TRAK1: variants seen among roughly 807,000 people sequenced by gnomAD.
TRAK1 encodes the protein trafficking kinesin protein 1.
A neutral mutation model predicts 92.1 loss-of-function variants in TRAK1; 33 were observed. That is an observed-to-expected ratio of 0.36 (90% CI 0.27 to 0.48). The LOEUF (loss-of-function observed/expected upper bound fraction) is 0.48, where lower values mean the gene tolerates loss of function less well. Among genes scored for constraint, TRAK1 ranks in the 20% least tolerant of loss-of-function variants. The probability of loss-of-function intolerance (pLI) is 0.99; values close to 1 mark genes in which losing one functional copy is unlikely to be tolerated. For missense variants in TRAK1, 1,123 were observed against 1,257.9 expected, an observed-to-expected ratio of 0.89 and a Z score of 1.62; for synonymous variants, 521 against 517.3, an observed-to-expected ratio of 1.01 and a Z score of -0.10.
intron 12 of TRAK1, 36 bp downstream of exon 12, chr3:42,201,090 G>A (rs1290805057): frequency 6.3e-7 from 1 of 1,599,210 alleles, no homozygotes; most frequent in East Asian, 2.2e-5. Context: ...CTCTGTTTTG[G>A]GGTGAGGAGT....
chr3:42,187,618 C>A (rs1285110782), intron 4 of TRAK1, among the ~76,000 whole-genome samples: 4 of 152,070 alleles, frequency 2.6e-5, no homozygotes, highest in Admixed American at 2.0e-4. Flanking sequence ...CAGGCACATG[C>A]CACCACTCTT....
intron 2 of TRAK1, among the ~76,000 whole-genome samples, chr3:42,163,372 C>T (rs539380208): frequency 1.7e-4 from 26 of 152,102 alleles, no homozygotes; most frequent in African/African-American, 6.0e-4. Context: ...AGTTCAAGAC[C>T]AGCCTGGCCA....
chr3:42,036,951 T>G (rs1384150783), intron 1 of TRAK1, among the ~76,000 whole-genome samples: 1 of 152,160 alleles, frequency 6.6e-6, no homozygotes, highest in African/African-American at 2.4e-5. Flanking sequence ...TTTTGTAAAT[T>G]TTATTATTTT....
intron 2 of TRAK1, chr3:42,160,299 G>A (rs959508224): frequency 6.3e-7 from 1 of 1,593,932 alleles, no homozygotes; most frequent in African/African-American, 1.3e-5. Context: ...TGGGTAGGGG[G>A]TCGGGGGCAC....
intron 14 of TRAK1, chr3:42,212,137 G>T (rs995330232): frequency 3.0e-6 from 3 of 985,288 alleles, no homozygotes; most frequent in Non-Finnish European, 3.6e-6. Context: ...TCATCCTGGA[G>T]GTCCCAAGTA....
intron 2 of TRAK1, among the ~76,000 whole-genome samples, chr3:42,147,097 G>A (rs1299476150): frequency 1.3e-5 from 2 of 152,088 alleles, no homozygotes; most frequent in Non-Finnish European, 2.9e-5. Flanking sequence ...GCTTGCAGTG[G>A]GGCTCTTGAG....
intron 10 of TRAK1, among the ~76,000 whole-genome samples, chr3:42,195,573 G>T (rs1706489569): frequency 6.6e-6 from 1 of 150,838 alleles, no homozygotes; most frequent in Non-Finnish European, 1.5e-5. Context: ...AGCCCCCATT[G>T]CTGACCCCCA....
At chr3:42,113,389 TACCCCTACCTCTAC>T (rs1708740114) in intron 1 of TRAK1, among the ~76,000 whole-genome samples, 1 of 22,846 alleles carries the variant, frequency 4.4e-5, no homozygotes, top group Non-Finnish European at 8.4e-5. Context: ...CCCCTACCCC[TACCCCTACCTCTAC>T]CCCTACCCCT....
chr3:42,097,857 A>T (rs1041162388), intron 1 of TRAK1, among the ~76,000 whole-genome samples: 1 of 152,190 alleles, frequency 6.6e-6, no homozygotes, highest in Non-Finnish European at 1.5e-5. Flanking sequence ...ACACATACTG[A>T]TAGGTTGGTC....
chr3:42,126,326 A>G (rs957170562), intron 2 of TRAK1, among the ~76,000 whole-genome samples: 1 of 152,170 alleles, frequency 6.6e-6, no homozygotes, highest in African/African-American at 2.4e-5. Context: ...ACCAAGGCTG[A>G]TAACTGTTGT....
In TRAK1 at chr3:42,184,726, G is replaced by C. The variant is rs141558684; in HGVS notation, c.405G>C (p.Ser135=). The part of the protein sequence containing the change: ...DLELAARIGQ[S]LLKKNKTLTE... ...AATTGGCCGCTCGCATCGGCCAGTCGTTGTTGAAGAAGAACAAGACCCTAA... is the reference window on the plus strand; with the variant it reads ...AATTGGCCGCTCGCATCGGCCAGTCCTTGTTGAAGAAGAACAAGACCCTAA... The change falls in exon 4 of 16, where the codon TCG becomes TCC. Residue 135 remains serine, a synonymous_variant. Coordinates refer to ENST00000327628, the MANE Select transcript of TRAK1 (RefSeq NM_001042646.3). 6.2e-7 allele frequency: 1 copy of C among 1,614,182 alleles called. No homozygotes were observed. Among genetic ancestry groups the C allele is most frequent in the East Asian group, 2.2e-5 (1 of 44,888 alleles).
intron 2 of TRAK1, among the ~76,000 whole-genome samples, chr3:42,131,991 C>T (rs948120840): frequency 9.3e-5 from 14 of 151,238 alleles, no homozygotes; most frequent in Non-Finnish European, 1.8e-4. Flanking sequence ...ATTGCTTGAG[C>T]CTAGGAGGTG....
At chr3:42,217,535 A>G (rs1709857210) in intron 14 of TRAK1, 3 of 985,420 alleles carry the variant, frequency 3.0e-6, no homozygotes, top group African/African-American at 3.5e-5. Flanking sequence ...GCAATTGAAG[A>G]TCCAATATGT....
intron 1 of TRAK1, among the ~76,000 whole-genome samples, chr3:42,044,659 T>C (rs1702685409): frequency 6.6e-6 from 1 of 152,206 alleles, no homozygotes; most frequent in Non-Finnish European, 1.5e-5. Context: ...TTGAGCTCCC[T>C]GGTAGAGCCG....
At chr3:42,177,641 G>A (rs1703393152) in intron 3 of TRAK1, among the ~76,000 whole-genome samples, 1 of 152,214 alleles carries the variant, frequency 6.6e-6, no homozygotes, top group Non-Finnish European at 1.5e-5. Context: ...CTATGATGTG[G>A]AGGACACAGA....
rs568011412 is a variant in TRAK1 at position 42,153,784 on chromosome 3, G to A, written c.287-23030G>A. On this transcript the variant is annotated intron_variant, in intron 2 of 15. Transcript: ENST00000327628. ...GTGCGTGAGTGAAGTTTTGTTAGAG[G>A]TATTTTAAGCATTAATTGAAAAGCT... Among the ~76,000 whole-genome samples, 8 of 152,194 alleles carry A rather than the reference G, an allele frequency of 5.3e-5. No homozygotes were observed. The South Asian group carries it at 1.2e-3, about 24-fold the overall frequency.
chr3:42,077,153 A>G (rs530365450), intron 1 of TRAK1, among the ~76,000 whole-genome samples: 22 of 152,202 alleles, frequency 1.4e-4, no homozygotes, highest in Non-Finnish European at 2.6e-4. Flanking sequence ...GAATTTTAGA[A>G]TAGTTTTTTT....
intron 1 of TRAK1, among the ~76,000 whole-genome samples, chr3:42,082,036 T>A (rs1158480592): frequency 6.6e-6 from 1 of 152,240 alleles, no homozygotes; most frequent in Non-Finnish European, 1.5e-5. Flanking sequence ...TGGCTTGTGT[T>A]TCCCTTTTGA....
chr3:42,187,547 A>C (rs1705068701), intron 4 of TRAK1, among the ~76,000 whole-genome samples: 1 of 151,960 alleles, frequency 6.6e-6, no homozygotes, highest in African/African-American at 2.4e-5. Context: ...AGCTCACTAC[A>C]ACCCCTGCCT....
Sources: allele counts gnomAD v4.1 joint callset (sites outside exome capture counted in the v4.1 genomes callset), GRCh38; gene constraint gnomAD v4.1.1; transcripts MANE v1.5; gene names NCBI Gene and HGNC (gene_info 2026-07-23, HGNC 2026-07-21).